The following LYPLA1 variants were observed in gnomAD, a reference collection of about 807,000 sequenced individuals.
LYPLA1 encodes the protein lysophospholipase 1, also known as acyl-protein thioesterase 1.
In LYPLA1, 17 loss-of-function variants were observed where a neutral mutation model predicts 34.0. The observed-to-expected ratio is 0.50, with a 90% CI of 0.34 to 0.75. The LOEUF is 0.75. Among genes scored for constraint, LYPLA1 ranks in the 30% least tolerant of loss-of-function variants. The pLI is 0.01. For synonymous variants in LYPLA1, 98 were observed against 100.8 expected, an observed-to-expected ratio of 0.97 and a Z score of 0.17; for missense variants, 203 against 288.8, an observed-to-expected ratio of 0.70 and a Z score of 2.15.
At chr8:54,050,229 C>A (rs1269386127) in intron 8 of LYPLA1, among the ~76,000 whole-genome samples, 1 of 152,208 alleles carries the variant, frequency 6.6e-6, no homozygotes, top group Non-Finnish European at 1.5e-5. Context: ...TTATCTCCTT[C>A]CTTTACTCTA....
At position 54,062,265 on chromosome 8, in the gene LYPLA1, G is replaced by C; in HGVS notation, c.275C>G (p.Ala92Gly). ...TTTTCTGTACTTACTATTTTCTGCTGCCTGTTTAATCCCAGATTCATCCTC... is the reference window on the plus strand; with the variant it reads ...TTTTCTGTACTTACTATTTTCTGCTCCCTGTTTAATCCCAGATTCATCCTC... ...SQEDESGIKQAAENIKALIDQ... is the reference protein window; with the variant it reads ...SQEDESGIKQGAENIKALIDQ... Residue 92 changes from alanine to glycine, a missense_variant, in exon 5 of 9, where the codon GCA becomes GGA. Physicochemically the swap from Ala to Gly is moderately conservative, Grantham distance 60. Coordinates refer to ENST00000316963, the MANE Select transcript of LYPLA1 (RefSeq NM_006330.4). 1 of 1,604,414 alleles carries C rather than the reference G, an allele frequency of 6.2e-7. No homozygotes were observed. Among genetic ancestry groups the C allele is most frequent in the Non-Finnish European group, 8.5e-7 (1 of 1,175,052 alleles).
chr8:54,072,989 T>C (rs538688794), intron 2 of LYPLA1: 1 of 344,712 alleles, frequency 2.9e-6, no homozygotes, highest in South Asian at 2.8e-5. Context: ...GAAAACATGC[T>C]CAAGATCATT....
chr8:54,043,733 A>G (rs1340287709), downstream of LYPLA1, among the ~76,000 whole-genome samples: 1 of 149,144 alleles, frequency 6.7e-6, no homozygotes, highest in African/African-American at 2.5e-5. Flanking sequence ...GGCTAATTTC[A>G]TATTTTTGGT....
At chr8:54,048,779 T>C (rs1434341636) in intron 8 of LYPLA1, among the ~76,000 whole-genome samples, 1 of 152,200 alleles carries the variant, frequency 6.6e-6, no homozygotes, top group African/African-American at 2.4e-5. Flanking sequence ...ACCTTCAGCC[T>C]TGTAATTTAG....
chr8:54,050,140 T>C (rs1327530549), intron 8 of LYPLA1, among the ~76,000 whole-genome samples: 2 of 152,242 alleles, frequency 1.3e-5, no homozygotes, highest in East Asian at 1.9e-4. Context: ...ATTTCCAGGC[T>C]TGAACTTCAG....
At chr8:54,072,934 CAAA>C (rs59257354) in intron 2 of LYPLA1, among the ~76,000 whole-genome samples, 35 of 91,698 alleles carry the variant, frequency 3.8e-4, no homozygotes, top group Non-Finnish European at 2.5e-4. Flanking sequence ...AAGACTGAAT[CAAA>C]AAAAAAAAAA....
chr8:54,066,303 C>T (rs1807065056), intron 2 of LYPLA1, among the ~76,000 whole-genome samples: 1 of 152,118 alleles, frequency 6.6e-6, no homozygotes, highest in Non-Finnish European at 1.5e-5. Context: ...AAAAAGAACC[C>T]AGCAGCTGTT....
At chr8:54,056,952 T>C (rs571240642) in intron 5 of LYPLA1, among the ~76,000 whole-genome samples, 2 of 152,020 alleles carry the variant, frequency 1.3e-5, no homozygotes, top group Admixed American at 6.6e-5. Flanking sequence ...AAGATCTGAA[T>C]AGACATTTCC....
At chr8:54,084,570 CA>C (rs1024728073) in intron 2 of LYPLA1, among the ~76,000 whole-genome samples, 1 of 147,232 alleles carries the variant, frequency 6.8e-6, no homozygotes, top group Non-Finnish European at 1.5e-5. Flanking sequence ...GAGTCCATCT[CA>C]AAAAAAAAGA....
intron 6 of LYPLA1, chr8:54,053,794 GC>G (rs1273242580): frequency 2.9e-5 from 13 of 450,058 alleles, no homozygotes; most frequent in Non-Finnish European, 5.8e-5. Context: ...GGTGAGCAAG[GC>G]CCAACTGCTT....
At chr8:54,080,978 G>A (rs1037674076) in intron 2 of LYPLA1, among the ~76,000 whole-genome samples, 2 of 152,146 alleles carry the variant, frequency 1.3e-5, no homozygotes, top group South Asian at 4.1e-4. Context: ...CTATACCACT[G>A]GCTTTTTGAG....
intron 5 of LYPLA1, among the ~76,000 whole-genome samples, chr8:54,060,554 G>A: frequency 6.6e-6 from 1 of 152,190 alleles, no homozygotes; most frequent in Non-Finnish European, 1.5e-5. Flanking sequence ...TCGAGGTTTT[G>A]TAAAGCAGAG....
chr8:54,063,145 C>T (rs890059759), intron 4 of LYPLA1, among the ~76,000 whole-genome samples, 183 bp downstream of exon 4: 1 of 152,190 alleles, frequency 6.6e-6, no homozygotes, highest in Non-Finnish European at 1.5e-5. Flanking sequence ...ATTTCCTCTA[C>T]CTGTATGTAC....
intron 2 of LYPLA1, among the ~76,000 whole-genome samples, chr8:54,067,693 A>ATTTTTTTT (rs762583097): frequency 7.4e-6 from 1 of 135,520 alleles, no homozygotes. Flanking sequence ...ATGAATGTTA[A>ATTTTTTTT]TTTTTTTTTT....
In LYPLA1 at chr8:54,051,027, G is replaced by A. The variant is rs117123354; in HGVS notation, c.624C>T (p.His208=). 1.5e-4 allele frequency: 245 copies of A among 1,612,518 alleles called. No individual in the cohort carries two copies. The highest frequency in any genetic ancestry group is 5.2e-4 in the South Asian group (47 of 90,950). ...VTFKTYEGMM[H]SSCQQEMMDV... is the part of the protein sequence containing the mutation. ...AGACACCTACCTGTTGACACGAACT[G>A]TGCATCATACCTTCATAGGTTTTAA... Residue 208 remains histidine, a synonymous_variant, in exon 8 of 9, where the codon CAC becomes CAT. Coordinates refer to ENST00000316963, the MANE Select transcript of LYPLA1 (RefSeq NM_006330.4).
In LYPLA1 at chr8:54,051,025, C is replaced by T. The variant is rs747322233; in HGVS notation, c.626G>A (p.Ser209Asn). Reference protein sequence around the residue: ...TFKTYEGMMHSSCQQEMMDVK... With the variant: ...TFKTYEGMMHNSCQQEMMDVK... The stretch of plus-strand genomic sequence containing the variant: ...CTAGACACCTACCTGTTGACACGAA[C>T]TGTGCATCATACCTTCATAGGTTTT... Residue 209 changes from serine (S) to asparagine (N), a missense_variant, in exon 8 of 9, where the codon AGT (serine) becomes AAT (asparagine). Ser to Asn is a conservative substitution (Grantham distance 46, BLOSUM62 1). This residue lies in a region of LYPLA1 where 123 missense variants were observed against 199.2 expected (regional missense o/e 0.62). Transcript: ENST00000316963. The T allele has an allele frequency of 1.9e-6, 3 of 1,609,714 alleles. No homozygotes were observed. The highest frequency in any genetic ancestry group is 3.3e-5 in the Admixed American group (2 of 59,810).
intron 8 of LYPLA1, among the ~76,000 whole-genome samples, chr8:54,049,467 T>A (rs1805695794): frequency 6.6e-6 from 1 of 152,158 alleles, no homozygotes; most frequent in Non-Finnish European, 1.5e-5. Flanking sequence ...GGTGCCAACA[T>A]GGCTCACTGC....
chr8:54,049,324 C>T (rs1240759767), intron 8 of LYPLA1, among the ~76,000 whole-genome samples: 1 of 152,224 alleles, frequency 6.6e-6, no homozygotes, highest in Admixed American at 6.5e-5. Flanking sequence ...GCACCTTCTA[C>T]TTGACTGAAA....
At chr8:54,055,860 G>C (rs2129327297) in intron 5 of LYPLA1, among the ~76,000 whole-genome samples, 1 of 152,018 alleles carries the variant, frequency 6.6e-6, no homozygotes, top group African/African-American at 2.4e-5. Flanking sequence ...AGCCAGGATG[G>C]TCGATCTCCT....
Sources: gnomAD v4.1 joint callset for allele counts (sites outside exome capture counted in the v4.1 genomes callset) on GRCh38, gnomAD v4.1.1 for gene constraint, gnomAD v4.1.1 regional missense constraint, MANE v1.5 for transcripts, NCBI Gene and HGNC (gene_info 2026-07-23, HGNC 2026-07-21) for gene names.